Variants in CDH18 observed in about 807,000 individuals in gnomAD.
CDH18 encodes the protein cadherin 18, also known as cadherin-18.
In CDH18, 31 loss-of-function variants were observed where a neutral mutation model predicts 67.9. The ratio of observed to expected loss-of-function variants is 0.46; its 90% CI spans 0.34 to 0.62. The LOEUF (loss-of-function observed/expected upper bound fraction) is 0.62. CDH18 is among the 20% of genes least tolerant of loss of function. The pLI is 0.01. For missense variants in CDH18, 890 were observed against 975.5 expected (o/e 0.91, Z 1.17); for synonymous variants, 362 against 347.2 (o/e 1.04, Z -0.48).
intron 1 of CDH18, among the ~76,000 whole-genome samples, chr5:20,296,259 T>C (rs1747510826): frequency 6.6e-6 from 1 of 151,308 alleles, no homozygotes; most frequent in Non-Finnish European, 1.5e-5. Context: ...TTTTTGTTTT[T>C]TGTTTTTTTT....
chr5:20,339,032 G>A (rs1740023754), intron 1 of CDH18, among the ~76,000 whole-genome samples: 1 of 152,152 alleles, frequency 6.6e-6, no homozygotes, highest in African/African-American at 2.4e-5. Flanking sequence ...AGAAGACAGA[G>A]GATGCCTATT....
chr5:20,307,167 A>G (rs937677314), intron 1 of CDH18, among the ~76,000 whole-genome samples: 9 of 152,188 alleles, frequency 5.9e-5, no homozygotes, highest in African/African-American at 2.2e-4. Flanking sequence ...AGAGAGAGAA[A>G]GCCAGTGTGG....
chr5:20,023,768 C>G (rs566891274), intron 2 of CDH18, among the ~76,000 whole-genome samples: 1 of 152,150 alleles, frequency 6.6e-6, no homozygotes, highest in African/African-American at 2.4e-5. Context: ...ATGAAGAATT[C>G]CCATGACTAT....
chr5:20,219,227 T>C (rs1322315634), intron 2 of CDH18, among the ~76,000 whole-genome samples: 2 of 151,750 alleles, frequency 1.3e-5, no homozygotes, highest in African/African-American at 4.8e-5. Context: ...TTGGAAAACT[T>C]AGAAGAAATG....
intron 8 of CDH18, among the ~76,000 whole-genome samples, chr5:19,560,599 TAGAC>T (rs1441401197): frequency 6.6e-6 from 1 of 152,060 alleles, no homozygotes; most frequent in African/African-American, 2.4e-5. Context: ...GAAAATGGCT[TAGAC>T]AAAGACTTCA....
chr5:20,414,150 TG>T (rs1337026010), intron 1 of CDH18, among the ~76,000 whole-genome samples: 13 of 152,294 alleles, frequency 8.5e-5, no homozygotes, highest in African/African-American at 3.1e-4. Context: ...CTTAATGAAC[TG>T]AAAACAGAAT....
intron 1 of CDH18, among the ~76,000 whole-genome samples, chr5:20,280,197 A>G (rs933745011): frequency 2.6e-5 from 4 of 151,310 alleles, no homozygotes; most frequent in Non-Finnish European, 5.9e-5. Context: ...TATTTTATTT[A>G]TTTTTTTTCT....
chr5:20,429,599 G>A (rs959275145), intron 1 of CDH18, among the ~76,000 whole-genome samples: 1 of 149,450 alleles, frequency 6.7e-6, no homozygotes, highest in Admixed American at 6.6e-5. Context: ...AAATATGAAT[G>A]GGGGGGCAAA....
At chr5:19,829,120 A>C (rs1454335841) in intron 3 of CDH18, among the ~76,000 whole-genome samples, 1 of 152,148 alleles carries the variant, frequency 6.6e-6, no homozygotes, top group East Asian at 1.9e-4. Flanking sequence ...GAATGAGCAA[A>C]AGCTGGAAGT....
chr5:19,539,064 G>A (rs1011645526), intron 9 of CDH18, among the ~76,000 whole-genome samples: 1 of 152,180 alleles, frequency 6.6e-6, no homozygotes, highest in African/African-American at 2.4e-5. Flanking sequence ...GACATTAACA[G>A]GCAATTAAGC....
rs1177339585 is a variant in CDH18, at chr5:19,846,391, T to C, written c.-256-7149A>G. On this transcript the variant is annotated intron_variant, in intron 2 of 12. Coordinates refer to ENST00000382275, the MANE Select transcript of CDH18 (RefSeq NM_004934.5). ...ATTTGTTATTTTTATACTTTTGTCT[T>C]TTACCTTCATACCAGAATTTAAAGT... is the stretch of plus-strand genomic sequence containing the variant. 4.6e-5 allele frequency among the ~76,000 whole-genome samples: 7 copies of C among 152,270 alleles called. No individual in the cohort carries two copies. The East Asian group carries it at 1.4e-3, about 29-fold the overall frequency.
At chr5:20,452,562 A>C (rs1053333665) in intron 1 of CDH18, among the ~76,000 whole-genome samples, 1 of 152,070 alleles carries the variant, frequency 6.6e-6, no homozygotes, top group Non-Finnish European at 1.5e-5. Flanking sequence ...ATAACAATAC[A>C]ACATGGACGC....
intron 2 of CDH18, among the ~76,000 whole-genome samples, chr5:20,097,071 A>G (rs1746051996): frequency 6.6e-6 from 1 of 152,144 alleles, no homozygotes; most frequent in Non-Finnish European, 1.5e-5. Context: ...TTTCTTGAAA[A>G]CATGTTGCTT....
chr5:20,219,662 CA>C (rs1234241012), intron 2 of CDH18, among the ~76,000 whole-genome samples: 1 of 151,692 alleles, frequency 6.6e-6, no homozygotes, highest in East Asian at 1.9e-4. Context: ...CCAAGGGATG[CA>C]AAAATACTTC....
intron 2 of CDH18, among the ~76,000 whole-genome samples, chr5:20,197,437 A>C (rs935907291): frequency 6.6e-6 from 1 of 152,218 alleles, no homozygotes; most frequent in Non-Finnish European, 1.5e-5. Context: ...AAAAATTAAA[A>C]ACTGCCCATT....
At chr5:19,868,562 A>T (rs1020281845) in intron 2 of CDH18, among the ~76,000 whole-genome samples, 1 of 152,186 alleles carries the variant, frequency 6.6e-6, no homozygotes, top group African/African-American at 2.4e-5. Context: ...TTTGACTCAG[A>T]CTCAAACGTA....
intron 9 of CDH18, among the ~76,000 whole-genome samples, chr5:19,525,994 T>A (rs140896980): frequency 1.3e-5 from 2 of 152,272 alleles, no homozygotes; most frequent in Non-Finnish European, 2.9e-5. Flanking sequence ...GTAAATAAAA[T>A]ATATTGAAAT....
At chr5:20,413,425 C>A (rs1746972121) in intron 1 of CDH18, among the ~76,000 whole-genome samples, 1 of 152,204 alleles carries the variant, frequency 6.6e-6, no homozygotes, top group Non-Finnish European at 1.5e-5. Flanking sequence ...TACACTCCCA[C>A]CAACAGTGTA....
At chr5:19,672,710 T>C (rs1184078804) in intron 5 of CDH18, among the ~76,000 whole-genome samples, 1 of 151,970 alleles carries the variant, frequency 6.6e-6, no homozygotes, top group African/African-American at 2.4e-5. Flanking sequence ...AACAATATAA[T>C]AACAACAGTA....
Sources: allele counts gnomAD v4.1 joint callset (sites outside exome capture counted in the v4.1 genomes callset), GRCh38; gene constraint gnomAD v4.1.1; transcripts MANE v1.5; gene names NCBI Gene and HGNC (gene_info 2026-07-23, HGNC 2026-07-21).